JAKMIP1: variants seen among roughly 807,000 people sequenced by gnomAD.
JAKMIP1 encodes the protein janus kinase and microtubule interacting protein 1, also known as janus kinase and microtubule-interacting protein 1.
In JAKMIP1, 33 loss-of-function variants were observed where a neutral mutation model predicts 113.0. The observed-to-expected ratio is 0.29, with a 90% confidence interval of 0.22 to 0.39. The LOEUF is 0.39. Among genes scored for constraint, JAKMIP1 ranks in the 10% least tolerant of loss-of-function variants. The pLI, the probability that JAKMIP1 is intolerant of heterozygous loss-of-function variation, is 1.00. For synonymous variants in JAKMIP1, 480 were observed against 459.9 expected, an observed-to-expected ratio of 1.04 and a Z score of -0.56; for missense variants, 813 against 1,080.5, an observed-to-expected ratio of 0.75 and a Z score of 3.47.
chr4:6,098,027 T>C (rs1014392176), intron 3 of JAKMIP1, among the ~76,000 whole-genome samples: 1 of 152,188 alleles, frequency 6.6e-6, no homozygotes, highest in Non-Finnish European at 1.5e-5. Context: ...AGTGTCGAGT[T>C]TGGAGTTCGA....
Position 6,093,215 on chromosome 4 carries a change from T to C in JAKMIP1, c.625-7586A>G, listed in dbSNP as rs896769357. ...CCACAGAAGTGATCACATCCTCTTCTTTGTTGCTGCCTCTTTGGCTTGCAT... is the reference window on the plus strand; with the variant it reads ...CCACAGAAGTGATCACATCCTCTTCCTTGTTGCTGCCTCTTTGGCTTGCAT... On this transcript the variant is annotated intron_variant, in intron 3 of 20. Coordinates refer to ENST00000409021, the MANE Select transcript of JAKMIP1 (RefSeq NM_001099433.2). This position sits in a 1 kb window ranked among gnomAD's most constrained non-coding sequence, Gnocchi z 4.6. 1.3e-5 allele frequency among the ~76,000 whole-genome samples: 2 copies of C among 152,184 alleles called. No individual in the cohort carries two copies. The highest frequency in any genetic ancestry group is 6.5e-5 in the Admixed American group (1 of 15,272).
At position 6,181,825 on chromosome 4, in the gene JAKMIP1, G is replaced by A. The variant is rs1041632467; in HGVS notation, c.-148+18428C>T. The stretch of plus-strand genomic sequence containing the variant: ...TCACAGAGCTCTAGCCAGCGGGGAA[G>A]AAGACTGTGAATGGCATCAGTCACA... On this transcript the variant is annotated intron_variant, in intron 1 of 20. Transcript: ENST00000409021. This position sits in a 1 kb window ranked among gnomAD's most constrained non-coding sequence, Gnocchi z 5.4. Among the ~76,000 whole-genome samples, 2 of 152,126 alleles carry A rather than the reference G, an allele frequency of 1.3e-5. No individual in the cohort carries two copies. The highest frequency in any genetic ancestry group is 4.8e-5 in the African/African-American group (2 of 41,434).
In JAKMIP1 at chr4:6,139,543, G is replaced by A. The variant is rs912604356; in HGVS notation, c.-147-26546C>T. Among the ~76,000 whole-genome samples the A allele has an allele frequency of 1.4e-4, 22 of 152,166 alleles. No homozygotes were observed. Among genetic ancestry groups the A allele is most frequent in the Admixed American group, 3.9e-4 (6 of 15,290 alleles). On this transcript the variant is annotated intron_variant, in intron 1 of 20. Coordinates refer to ENST00000409021, the MANE Select transcript of JAKMIP1 (RefSeq NM_001099433.2). The surrounding 1 kb of genome is among the most constrained non-coding windows in gnomAD (Gnocchi z 5.2). The stretch of plus-strand genomic sequence containing the variant: ...AGCACTTTGGGAGGCTGAGGCAGGC[G>A]GATCACAAAGTCAGGAGTTCGAGAC...
intron 16 of JAKMIP1, among the ~76,000 whole-genome samples, chr4:6,045,448 T>A (rs529623623): frequency 6.6e-6 from 1 of 152,340 alleles, no homozygotes; most frequent in South Asian, 2.1e-4. Flanking sequence ...TGTGTCCTGA[T>A]GACTGGGCAG....
rs35255967 is a variant in JAKMIP1, at chr4:6,140,250, CTTTTT to C, written c.-147-27258_-147-27254del. ...CTGCTCCCTATTTTTCTTTTTTCCT[CTTTTT>C]TTTTTTTTTTTCTGTGGGGAGGGAC... On this transcript the variant is annotated intron_variant, in intron 1 of 20. Coordinates refer to ENST00000409021, the MANE Select transcript of JAKMIP1 (RefSeq NM_001099433.2). This position sits in a 1 kb window ranked among gnomAD's most constrained non-coding sequence, Gnocchi z 9.4. Among the ~76,000 whole-genome samples, 37 of 140,218 alleles carry C rather than the reference CTTTTT, an allele frequency of 2.6e-4. No individual in the cohort carries two copies. The highest frequency in any genetic ancestry group is 3.1e-5 in the Non-Finnish European group (2 of 64,326). The allele number at this position is 140,218 out of a possible 152,430, so 92.0% of individuals were successfully genotyped here.
chr4:6,107,661 C>A (rs770840729), intron 2 of JAKMIP1, among the ~76,000 whole-genome samples: 2 of 152,148 alleles, frequency 1.3e-5, no homozygotes, highest in African/African-American at 2.4e-5. Flanking sequence ...GAATCTCCAG[C>A]CTGCTGGTCT....
intron 8 of JAKMIP1, among the ~76,000 whole-genome samples, chr4:6,073,962 G>C (rs749039479): frequency 5.3e-5 from 8 of 152,242 alleles, no homozygotes; most frequent in South Asian, 4.1e-4. Flanking sequence ...CATGGCCAGA[G>C]GCCCAGGTCC....
rs1200661018 is a variant in JAKMIP1 at position 6,031,501 on chromosome 4, C to T, written c.2380-1720G>A. On this transcript the variant is annotated intron_variant, in intron 19 of 20. Coordinates refer to ENST00000409021, the MANE Select transcript of JAKMIP1 (RefSeq NM_001099433.2). This position sits in a 1 kb window ranked among gnomAD's most constrained non-coding sequence, Gnocchi z 4.4. ...CGTGGAACCCAGCAGGGTTAGTTCA[C>T]CAGATGCACAAGAGGGGAAAGGAAT... Among the ~76,000 whole-genome samples, 1 of 152,058 alleles carries T rather than the reference C, an allele frequency of 6.6e-6. No individual in the cohort carries two copies. The highest frequency in any genetic ancestry group is 1.5e-5 in the Non-Finnish European group (1 of 68,010).
At chr4:6,052,650 T>TAAAAA (rs762425260) in intron 13 of JAKMIP1, among the ~76,000 whole-genome samples, 1 of 53,994 alleles carries the variant, frequency 1.9e-5, no homozygotes, top group African/African-American at 7.4e-5. Context: ...GACTCTGTCC[T>TAAAAA]AAAAAAAAAA....
At chr4:6,036,203 G>T in intron 18 of JAKMIP1, 96 bp from the exon 19 acceptor site, 1 of 1,018,300 alleles carries the variant, frequency 9.8e-7, no homozygotes, top group Non-Finnish European at 1.4e-6. Flanking sequence ...GCCAGGGAGG[G>T]GGGTTTCGGG....
chr4:6,096,480 A>G (rs73198049), intron 3 of JAKMIP1, among the ~76,000 whole-genome samples: 2 of 152,338 alleles, frequency 1.3e-5, no homozygotes, highest in Non-Finnish European at 2.9e-5. Context: ...AAAGGCCTGC[A>G]TGCCATCTGT....
In JAKMIP1 at chr4:6,086,366, C is replaced by T. The variant is rs532759385; in HGVS notation, c.625-737G>A. ...AGCAGATCTTAAACACATGCCTCAG[C>T]CCTGGCTTCTCTCTGAGCTCCACAA... is the stretch of plus-strand genomic sequence containing the variant. On this transcript the variant is annotated intron_variant, in intron 3 of 20. Transcript: ENST00000409021. This position sits in a 1 kb window ranked among gnomAD's most constrained non-coding sequence, Gnocchi z 4.1. Among the ~76,000 whole-genome samples, 2 of 152,042 alleles carry T rather than the reference C, an allele frequency of 1.3e-5. No individual in the cohort carries two copies. Among genetic ancestry groups the T allele is most frequent in the South Asian group, 4.2e-4 (2 of 4,774 alleles).
intron 19 of JAKMIP1, among the ~76,000 whole-genome samples, chr4:6,030,510 C>T (rs1712484933): frequency 6.6e-6 from 1 of 152,160 alleles, no homozygotes; most frequent in Non-Finnish European, 1.5e-5. Context: ...CACACAGCGT[C>T]TCCACCGAGG....
rs763107550 is a variant in JAKMIP1, at chr4:6,049,802, C to A, written c.1962+17G>T. 2 of 1,596,896 alleles carry A rather than the reference C, an allele frequency of 1.3e-6. No individual in the cohort carries two copies. Among genetic ancestry groups the A allele is most frequent in the South Asian group, 2.2e-5 (2 of 90,484 alleles). ...AAAACAAGAACACGAAAGCAGAAAC[C>A]GATCGCTCATAGTTACCCCGTTATC... On this transcript the variant is annotated intron_variant, in intron 15 of 20. Transcript: ENST00000409021. The surrounding 1 kb of genome is among the most constrained non-coding windows in gnomAD (Gnocchi z 7.0).
chr4:6,181,394 C>T lies in JAKMIP1; in HGVS notation c.-148+18859G>A, dbSNP rs1164973391. ...GATGAGCTTACTGCCAGGTTACTACCAGGTCACTATCAGGTTACCACCAGC... is the reference window on the plus strand; with the variant it reads ...GATGAGCTTACTGCCAGGTTACTACTAGGTCACTATCAGGTTACCACCAGC... On this transcript the variant is annotated intron_variant, in intron 1 of 20. Coordinates refer to ENST00000409021, the MANE Select transcript of JAKMIP1 (RefSeq NM_001099433.2). The surrounding 1 kb of genome is among the most constrained non-coding windows in gnomAD (Gnocchi z 5.4). Among the ~76,000 whole-genome samples, 1 of 152,142 alleles carries T rather than the reference C, an allele frequency of 6.6e-6. No homozygotes were observed. Among genetic ancestry groups the T allele is most frequent in the African/African-American group, 2.4e-5 (1 of 41,438 alleles).
rs1317201525 is a variant in JAKMIP1 at position 6,156,463 on chromosome 4, T to A, written c.-147-43466A>T. Among the ~76,000 whole-genome samples the A allele has an allele frequency of 6.6e-6, 1 of 152,222 alleles. No homozygotes were observed. Among genetic ancestry groups the A allele is most frequent in the Admixed American group, 6.5e-5 (1 of 15,290 alleles). ...CAGAATTCTGATTTAAAAGTTTAAA[T>A]TAGCTGCCAACACAGCTAACAGATT... is the stretch of plus-strand genomic sequence containing the variant. On this transcript the variant is annotated intron_variant, in intron 1 of 20. Coordinates refer to ENST00000409021, the MANE Select transcript of JAKMIP1 (RefSeq NM_001099433.2). This position sits in a 1 kb window ranked among gnomAD's most constrained non-coding sequence, Gnocchi z 5.0.
intron 1 of JAKMIP1, among the ~76,000 whole-genome samples, chr4:6,125,496 G>A (rs1450588047): frequency 2.0e-5 from 3 of 152,066 alleles, no homozygotes; most frequent in Admixed American, 1.3e-4. Context: ...ACACCTGAGA[G>A]TCCGTTATGT....
In JAKMIP1 at chr4:6,067,199, G is replaced by A. The variant is rs1260241872; in HGVS notation, c.1303-2191C>T. Among the ~76,000 whole-genome samples, 2 of 152,336 alleles carry A rather than the reference G, an allele frequency of 1.3e-5. No individual in the cohort carries two copies. Among genetic ancestry groups the A allele is most frequent in the African/African-American group, 2.4e-5 (1 of 41,586 alleles). On this transcript the variant is annotated intron_variant, in intron 8 of 20. Coordinates refer to ENST00000409021, the MANE Select transcript of JAKMIP1 (RefSeq NM_001099433.2). This position sits in a 1 kb window ranked among gnomAD's most constrained non-coding sequence, Gnocchi z 4.6. ...TTGAAATGGAAGCTCCATGAAGACA[G>A]GGGGTTGGCCCTTTTGTTCTCGACT...
intron 8 of JAKMIP1, among the ~76,000 whole-genome samples, chr4:6,070,991 A>G (rs1321854937): frequency 6.6e-6 from 1 of 152,262 alleles, no homozygotes; most frequent in Non-Finnish European, 1.5e-5. Flanking sequence ...CTTTACCACA[A>G]AAAAGTAAAA....
Sources: allele counts gnomAD v4.1 joint callset (sites outside exome capture counted in the v4.1 genomes callset), GRCh38; gene constraint gnomAD v4.1.1; non-coding constraint Gnocchi (gnomAD v3.1); transcripts MANE v1.5; gene names NCBI Gene and HGNC (gene_info 2026-07-23, HGNC 2026-07-21).